The following FHIT variants were observed in gnomAD, a reference collection of about 807,000 sequenced individuals.
The protein encoded by FHIT is bis(5'-adenosyl)-triphosphatase.
Under a neutral mutation model 17.9 loss-of-function variants are expected in FHIT, and 19 were observed. The ratio of observed to expected loss-of-function variants is 1.06; its 90% CI spans 0.74 to 1.56. The LOEUF is 1.56. FHIT is among the 40% of genes most tolerant of loss of function. The pLI is 0.00. For synonymous variants in FHIT, 81 were observed against 69.7 expected, an observed-to-expected ratio of 1.16 and a Z score of -0.81; for missense variants, 248 against 189.2, an observed-to-expected ratio of 1.31 and a Z score of -1.82.
intron 5 of FHIT, among the ~76,000 whole-genome samples, chr3:60,163,336 G>A (rs114683198): frequency 4.6e-5 from 7 of 152,028 alleles, no homozygotes; most frequent in African/African-American, 9.6e-5. Context: ...TTACCCACAC[G>A]CGTGTTCTTG....
At chr3:60,801,703 TCCCTGAC>T (rs1553732353) in intron 4 of FHIT, among the ~76,000 whole-genome samples, 1 of 152,188 alleles carries the variant, frequency 6.6e-6, no homozygotes, top group East Asian at 1.9e-4. Flanking sequence ...TTTCTCAGGG[TCCCTGAC>T]ACTGATGGTA....
intron 2 of FHIT, among the ~76,000 whole-genome samples, chr3:61,182,306 A>C (rs979159154): frequency 1.3e-5 from 2 of 152,186 alleles, no homozygotes; most frequent in Admixed American, 6.5e-5. Context: ...ACTGTTCCAA[A>C]AGTTCAGTTA....
intron 4 of FHIT, among the ~76,000 whole-genome samples, chr3:60,652,536 A>G (rs907118025): frequency 2.0e-5 from 3 of 152,140 alleles, no homozygotes; most frequent in Non-Finnish European, 4.4e-5. Context: ...TATCGAGACC[A>G]TCCTGGCTAA....
At chr3:60,565,744 T>C (rs931839268) in intron 4 of FHIT, among the ~76,000 whole-genome samples, 1 of 152,188 alleles carries the variant, frequency 6.6e-6, no homozygotes, top group Non-Finnish European at 1.5e-5. Flanking sequence ...GAAGGGTTTT[T>C]TGTGTCTCTA....
At chr3:60,458,692 G>A (rs569589846) in intron 5 of FHIT, among the ~76,000 whole-genome samples, 7 of 152,058 alleles carry the variant, frequency 4.6e-5, no homozygotes, top group East Asian at 3.9e-4. Flanking sequence ...CACCTTGACC[G>A]CCAACTCTAG....
At chr3:60,436,142 G>A (rs1040178704) in intron 5 of FHIT, among the ~76,000 whole-genome samples, 1 of 151,890 alleles carries the variant, frequency 6.6e-6, no homozygotes, top group African/African-American at 2.4e-5. Flanking sequence ...CTGCCTCCTG[G>A]GCTCAAGCAA....
intron 8 of FHIT, among the ~76,000 whole-genome samples, chr3:59,842,561 A>AT (rs1199917309): frequency 2.0e-5 from 3 of 152,130 alleles, no homozygotes; most frequent in African/African-American, 7.2e-5. Flanking sequence ...CAATTTCTCC[A>AT]TATCTTTGCC....
At chr3:60,335,699 CTTG>C (rs1161561692) in intron 5 of FHIT, among the ~76,000 whole-genome samples, 2 of 152,064 alleles carry the variant, frequency 1.3e-5, no homozygotes, top group African/African-American at 4.8e-5. Context: ...ACAAAAACCT[CTTG>C]TTTTTATATT....
intron 5 of FHIT, among the ~76,000 whole-genome samples, chr3:60,446,406 G>A (rs1420582793): frequency 1.3e-5 from 2 of 152,126 alleles, no homozygotes; most frequent in Admixed American, 1.3e-4. Context: ...ATCCAATTTG[G>A]AATTGAGTTG....
chr3:60,399,327 A>T (rs550024329), intron 5 of FHIT, among the ~76,000 whole-genome samples: 31 of 152,298 alleles, frequency 2.0e-4, no homozygotes, highest in Non-Finnish European at 4.0e-4. Context: ...AGGATAGAAG[A>T]AGTAGTATCT....
intron 3 of FHIT, among the ~76,000 whole-genome samples, chr3:61,002,397 G>A (rs796934687): frequency 9.2e-5 from 14 of 152,186 alleles, no homozygotes; most frequent in African/African-American, 3.1e-4. Flanking sequence ...CGAGTAGCTG[G>A]GACTACACGC....
intron 3 of FHIT, among the ~76,000 whole-genome samples, chr3:60,916,558 C>A (rs1553767136): frequency 2.6e-4 from 40 of 152,194 alleles, no homozygotes; most frequent in Non-Finnish European, 5.9e-5. Flanking sequence ...TTACCCACTG[C>A]ATCACCATCC....
chr3:59,918,829 C>A (rs1179928586), intron 8 of FHIT, among the ~76,000 whole-genome samples: 1 of 152,064 alleles, frequency 6.6e-6, no homozygotes, highest in Non-Finnish European at 1.5e-5. Context: ...TTTACAGTCA[C>A]AATAAAGCAA....
At chr3:60,785,261 A>G (rs1700527340) in intron 4 of FHIT, among the ~76,000 whole-genome samples, 1 of 152,206 alleles carries the variant, frequency 6.6e-6, no homozygotes, top group African/African-American at 2.4e-5. Context: ...AAGAAGAAGG[A>G]GTAGGTCTGA....
At chr3:61,115,077 A>G (rs1228625410) in intron 2 of FHIT, among the ~76,000 whole-genome samples, 3 of 152,178 alleles carry the variant, frequency 2.0e-5, no homozygotes, top group Non-Finnish European at 2.9e-5. Flanking sequence ...AATATGGTAA[A>G]TCATCTGTTC....
intron 3 of FHIT, among the ~76,000 whole-genome samples, chr3:60,974,441 G>T (rs1168008440): frequency 6.6e-6 from 1 of 152,184 alleles, no homozygotes; most frequent in Non-Finnish European, 1.5e-5. Context: ...AAAGAGAATT[G>T]CTGCTGGTTG....
At chr3:60,208,607 A>G (rs1703309060) in intron 5 of FHIT, among the ~76,000 whole-genome samples, 1 of 152,178 alleles carries the variant, frequency 6.6e-6, no homozygotes, top group Admixed American at 6.5e-5. Context: ...CATATCCAAC[A>G]TATGTATTTT....
intron 5 of FHIT, among the ~76,000 whole-genome samples, chr3:60,399,052 T>A (rs571143412): frequency 3.9e-5 from 6 of 152,198 alleles, no homozygotes; most frequent in Non-Finnish European, 8.8e-5. Context: ...TTGGGCCAGA[T>A]AATCAGTCTC....
chr3:60,225,057 C>T (rs780841618), intron 5 of FHIT, among the ~76,000 whole-genome samples: 19 of 152,080 alleles, frequency 1.2e-4, no homozygotes, highest in Admixed American at 2.6e-4. Context: ...TGGAGTAATG[C>T]TTGCTAAGAA....
Sources: allele counts gnomAD v4.1 joint callset (sites outside exome capture counted in the v4.1 genomes callset), GRCh38; gene constraint gnomAD v4.1.1; transcripts MANE v1.5; gene names NCBI Gene and HGNC (gene_info 2026-07-23, HGNC 2026-07-21).